The following CCNB3 variants were observed in gnomAD, a reference collection of about 807,000 sequenced individuals.
The protein encoded by CCNB3 is G2/mitotic-specific cyclin-B3.
CCNB3 carries 12 observed loss-of-function variants against 68.0 expected under a neutral mutation model. The observed-to-expected ratio is 0.18, with a 90% confidence interval of 0.11 to 0.29. CCNB3 has a LOEUF of 0.29. Among genes scored for constraint, CCNB3 ranks in the 10% least tolerant of loss-of-function variants. The probability of loss-of-function intolerance (pLI) is 1.00; values close to 1 mark genes in which losing one functional copy is unlikely to be tolerated. For synonymous variants in CCNB3, 354 were observed against 388.9 expected (o/e 0.91, Z 1.06); for missense variants, 904 against 993.1 (o/e 0.91, Z 1.21).
intron 8 of CCNB3, among the ~76,000 whole-genome samples, chrX:50,317,166 T>C (rs909239060): frequency 8.9e-6 from 1 of 112,360 alleles, no homozygotes; most frequent in Admixed American, 9.4e-5. Context: ...TAATTTTTAT[T>C]TCCTTAAGGG....
chrX:50,227,944 A>T (rs1433580227), intron 1 of CCNB3, among the ~76,000 whole-genome samples: 1 of 86,888 alleles, frequency 1.2e-5, no homozygotes, highest in Non-Finnish European at 2.1e-5. Flanking sequence ...ATATATAAAT[A>T]TATAGAGAGA....
chrX:50,308,843 C>A lies in CCNB3; in HGVS notation c.674C>A (p.Thr225Asn). The change falls in exon 6 of 13, where the codon ACC becomes AAC. Residue 225 changes from threonine (T) to asparagine (N), a missense_variant. By Grantham distance (65) the Thr-to-Asn change is moderately conservative. Around this residue, in one of 2 missense-constraint regions of CCNB3, gnomAD observed 619 missense variants for 609.8 expected, o/e 1.02. Transcript: ENST00000376042. The part of the protein sequence containing the change: ...KTHKTEEAAI[T>N]KKTLSLKKKM... ...CATAAAACTGAGGAGGCAGCCATCA[C>A]CAAGAAGACATTATCCTTAAAGAAG... 1 of 1,210,840 alleles carries A rather than the reference C, an allele frequency of 8.3e-7. No homozygotes were observed. The highest frequency in any genetic ancestry group is 1.1e-6 in the Non-Finnish European group (1 of 895,206).
chrX:50,350,388 A>G (rs968193946), intron 11 of CCNB3, among the ~76,000 whole-genome samples: 11 of 112,026 alleles, frequency 9.8e-5, no homozygotes, highest in African/African-American at 3.6e-4. Context: ...TGTTAGGGGA[A>G]CTGAAATTTG....
chrX:50,298,995 T>C, intron 5 of CCNB3, among the ~76,000 whole-genome samples: 1 of 111,955 alleles, frequency 8.9e-6, no homozygotes, highest in Non-Finnish European at 1.9e-5. Flanking sequence ...TTGTCATTTT[T>C]TATTGCGTCT....
At chrX:50,292,388 A>G (rs2147032018) in intron 4 of CCNB3, among the ~76,000 whole-genome samples, 1 of 110,477 alleles carries the variant, frequency 9.1e-6, no homozygotes, top group East Asian at 2.8e-4. Context: ...TGTAAAATAG[A>G]AAAGTCCTCA....
At chrX:50,328,600 G>A (rs1399293541) in intron 8 of CCNB3, among the ~76,000 whole-genome samples, 1 of 111,341 alleles carries the variant, frequency 9.0e-6, no homozygotes, top group Non-Finnish European at 1.9e-5. Context: ...GAAATTTAGA[G>A]GGGACAACAT....
At chrX:50,351,396 T>A (rs1203507252) in intron 12 of CCNB3, 25 bp downstream of exon 12, 4 of 1,204,258 alleles carry the variant, frequency 3.3e-6, no homozygotes, top group Admixed American at 2.2e-5. Context: ...CCGGATGAGG[T>A]TGGGTTTGTG....
chrX:50,226,211 T>TTTATATATATAGAATATATATA (rs1935772222), intron 1 of CCNB3, among the ~76,000 whole-genome samples: 1 of 65,436 alleles, frequency 1.5e-5, no homozygotes, highest in Non-Finnish European at 2.5e-5. Context: ...AATATATATA[T>TTTATATATATAGAATATATATA]TTATATATAT....
chrX:50,308,984 C>T lies in CCNB3; in HGVS notation c.815C>T (p.Pro272Leu). 8.3e-7 allele frequency: 1 copy of T among 1,209,680 alleles called. No individual in the cohort carries two copies. Among genetic ancestry groups the T allele is most frequent in the Middle Eastern group, 2.3e-4 (1 of 4,352 alleles). Residue 272 changes from proline to leucine, a missense_variant, in exon 6 of 13, where the codon CCT (proline) becomes CTT (leucine). By Grantham distance (98) the Pro-to-Leu change is moderately conservative. Coordinates refer to ENST00000376042, the MANE Select transcript of CCNB3 (RefSeq NM_033031.3). The part of the protein sequence containing the change: ...FMESMSFKKK[P>L]KTEESIPTHK... ...GAGTCAATGAGTTTTAAGAAGAAGC[C>T]TAAAACTGAGGAGTCAATCCCCACC...
In CCNB3 at chrX:50,298,261, T is replaced by C. The variant is rs184615565; in HGVS notation, c.335+3268T>C. Among the ~76,000 whole-genome samples, 400 of 111,835 alleles carry C rather than the reference T, an allele frequency of 3.6e-3. 3 individuals carry two copies. The highest frequency in any genetic ancestry group is 0.012 in the African/African-American group (381 of 30,806). On this transcript the variant is annotated intron_variant, in intron 5 of 12. Transcript: ENST00000376042. ...TTTGTCCATTCAGTATGATATTGGC[T>C]GTGGGTTTGTCACAGATATCTCTTA...
chrX:50,302,482 A>G (rs915079654), intron 5 of CCNB3, among the ~76,000 whole-genome samples: 1 of 111,875 alleles, frequency 8.9e-6, no homozygotes, highest in Non-Finnish European at 1.9e-5. Flanking sequence ...TAATTTGCAT[A>G]CCAAACAGTT....
intron 7 of CCNB3, among the ~76,000 whole-genome samples, chrX:50,313,276 A>C (rs915954100): frequency 1.8e-5 from 2 of 111,506 alleles, no homozygotes; most frequent in African/African-American, 6.5e-5. Flanking sequence ...ACCCACCTAC[A>C]GATCCACCTA....
chrX:50,226,008 T>A (rs1935751994), intron 1 of CCNB3, among the ~76,000 whole-genome samples: 1 of 93,381 alleles, frequency 1.1e-5, no homozygotes, highest in South Asian at 4.6e-4. Context: ...TAAATATATA[T>A]AGAATATATA....
intron 8 of CCNB3, among the ~76,000 whole-genome samples, chrX:50,340,234 A>C (rs1454749783): frequency 2.7e-5 from 3 of 111,897 alleles, no homozygotes; most frequent in African/African-American, 9.8e-5. Context: ...ATACAAGGGG[A>C]GGTCCACTTA....
At chrX:50,313,692 A>C (rs1921582496) in intron 7 of CCNB3, among the ~76,000 whole-genome samples, 164 bp from the exon 8 acceptor site, 1 of 112,145 alleles carries the variant, frequency 8.9e-6, no homozygotes, top group South Asian at 3.7e-4. Flanking sequence ...TATTTCCCAA[A>C]GCATAACTGC....
At chrX:50,300,072 A>C (rs1557212194) in intron 5 of CCNB3, among the ~76,000 whole-genome samples, 2 of 111,275 alleles carry the variant, frequency 1.8e-5, no homozygotes, top group Non-Finnish European at 3.8e-5. Context: ...ACTGATGGGT[A>C]TTGACTCTTT....
chrX:50,351,495 C>T, intron 12 of CCNB3, 112 bp from the exon 13 acceptor site: 4 of 1,055,093 alleles, frequency 3.8e-6, no homozygotes, highest in Non-Finnish European at 5.2e-6. Flanking sequence ...TTCCTTTCTA[C>T]TCTAGGGTTA....
chrX:50,294,840 C>A (rs1357726779), intron 4 of CCNB3, 23 bp from the exon 5 acceptor site: 4 of 1,182,933 alleles, frequency 3.4e-6, no homozygotes, highest in Admixed American at 2.5e-5. Context: ...CCCCTGCCCC[C>A]CAACCCACCT....
intron 8 of CCNB3, among the ~76,000 whole-genome samples, chrX:50,328,248 T>C (rs1922394862): frequency 8.9e-6 from 1 of 112,145 alleles, no homozygotes; most frequent in Admixed American, 9.4e-5. Context: ...ATTGTCACAT[T>C]GCTATAAAGA....
Sources: allele counts gnomAD v4.1 joint callset (sites outside exome capture counted in the v4.1 genomes callset), GRCh38; gene constraint gnomAD v4.1.1; regional missense constraint gnomAD v4.1.1; transcripts MANE v1.5; gene names NCBI Gene and HGNC (gene_info 2026-07-23, HGNC 2026-07-21).